PDYN: variants seen among roughly 807,000 people sequenced by gnomAD.
PDYN encodes the protein prodynorphin, also known as proenkephalin-B.
PDYN carries 5 observed loss-of-function variants against 11.4 expected under a neutral mutation model. The ratio of observed to expected loss-of-function variants is 0.44; its 90% CI spans 0.23 to 0.92. The LOEUF is 0.92. PDYN is among the 40% of genes least tolerant of loss of function. The probability of loss-of-function intolerance (pLI) is 0.24; values close to 1 mark genes in which losing one functional copy is unlikely to be tolerated. For missense variants in PDYN, 337 were observed against 317.3 expected (o/e 1.06, Z -0.47); for synonymous variants, 132 against 129.5 (o/e 1.02, Z -0.13).
At chr20:1,982,836 C>A in intron 3 of PDYN, 120 bp downstream of exon 3, 1 of 1,077,552 alleles carries the variant, frequency 9.3e-7, no homozygotes, top group Non-Finnish European at 1.4e-6. Context: ...CACCACCCTG[C>A]ACAGGTGGGA....
chr20:1,988,764 G>A (rs946788476), intron 2 of PDYN, among the ~76,000 whole-genome samples: 20 of 152,214 alleles, frequency 1.3e-4, no homozygotes, highest in African/African-American at 4.8e-4. Flanking sequence ...AGGGGAAAGA[G>A]GGGCTGATGG....
At chr20:1,987,069 G>A (rs1028579588) in intron 2 of PDYN, among the ~76,000 whole-genome samples, 5 of 152,154 alleles carry the variant, frequency 3.3e-5, no homozygotes, top group African/African-American at 1.2e-4. Flanking sequence ...GCTGAGGTGC[G>A]AGTGTGTTGT....
At chr20:1,991,950 T>C (rs1469417684) in intron 2 of PDYN, among the ~76,000 whole-genome samples, 11 of 152,168 alleles carry the variant, frequency 7.2e-5, no homozygotes, top group Admixed American at 1.3e-4. Flanking sequence ...TCATATCTCC[T>C]GGACATAGCA....
chr20:1,983,452 C>T (rs989467751), intron 2 of PDYN, among the ~76,000 whole-genome samples: 5 of 152,218 alleles, frequency 3.3e-5, no homozygotes, highest in African/African-American at 4.8e-5. Context: ...GGACAAGCCA[C>T]GACTTGCTCT....
At chr20:1,981,855 G>A (rs982852084) in intron 3 of PDYN, among the ~76,000 whole-genome samples, 1 of 151,906 alleles carries the variant, frequency 6.6e-6, no homozygotes, top group Non-Finnish European at 1.5e-5. Flanking sequence ...GAACCCAGGA[G>A]GCGGAAGTTG....
intron 3 of PDYN, among the ~76,000 whole-genome samples, chr20:1,981,900 T>C (rs1426863888): frequency 6.6e-6 from 1 of 151,144 alleles, no homozygotes; most frequent in Admixed American, 6.6e-5. Flanking sequence ...CACTCCAGCC[T>C]GGGCAACAGA....
Position 1,980,376 on chromosome 20 carries a change from T to C in PDYN, c.712A>G (p.Thr238Ala), listed in dbSNP as rs112907294. 5.4e-4 allele frequency: 877 copies of C among 1,614,022 alleles called. 1 individual carries two copies. The African/African-American group carries it at 0.01, about 19-fold the overall frequency. Residue 238 changes from threonine (T) to alanine (A), a missense_variant, in exon 4 of 4, where the codon ACT becomes GCT. Physicochemically the swap from Thr to Ala is moderately conservative, Grantham distance 58. Coordinates refer to ENST00000217305, the MANE Select transcript of PDYN (RefSeq NM_024411.5). Reference protein sequence around the residue: ...GFLRRQFKVVTRSQEDPNAYS... With the variant: ...GFLRRQFKVVARSQEDPNAYS... ...GCATTCGGATCTTCCTGAGACCGAG[T>C]CACCACCTTGAACTGGCGCCGGAGA...
At chr20:1,992,416 G>A (rs984368056) in intron 2 of PDYN, among the ~76,000 whole-genome samples, 168 bp downstream of exon 2, 3 of 152,146 alleles carry the variant, frequency 2.0e-5, no homozygotes, top group African/African-American at 7.2e-5. Flanking sequence ...AAAATGTGCT[G>A]CCTTCCGCCA....
chr20:1,979,997 A>C lies in PDYN; in HGVS notation c.*326T>G. 1 of 410,098 alleles carries C rather than the reference A, an allele frequency of 2.4e-6. No individual in the cohort carries two copies. The highest frequency in any genetic ancestry group is 5.5e-5 in the East Asian group (1 of 18,250). The allele number at this position is 410,098 out of a possible 1,614,324, so 25.4% of individuals were successfully genotyped here. Reference sequence around the variant, plus strand: ...GAACACATCGCTCTGGTTCCCTGGAATTGAGGAGTCACGTGAACAGGTTGG... The same window carrying C: ...GAACACATCGCTCTGGTTCCCTGGACTTGAGGAGTCACGTGAACAGGTTGG... On this transcript the variant is annotated 3_prime_UTR_variant, in exon 4 of 4. Transcript: ENST00000217305.
At chr20:1,993,258 T>C (rs1988528910) in intron 1 of PDYN, among the ~76,000 whole-genome samples, 1 of 152,124 alleles carries the variant, frequency 6.6e-6, no homozygotes, top group African/African-American at 2.4e-5. Flanking sequence ...AGAAAATGCC[T>C]GCTAAGCCTG....
At chr20:1,989,188 G>A (rs1280333869) in intron 2 of PDYN, among the ~76,000 whole-genome samples, 1 of 152,194 alleles carries the variant, frequency 6.6e-6, no homozygotes, top group Non-Finnish European at 1.5e-5. Flanking sequence ...CCTTGCTAGT[G>A]GATGGATCTC....
intron 3 of PDYN, 42 bp downstream of exon 3, chr20:1,982,914 G>C: frequency 6.2e-7 from 1 of 1,608,570 alleles, no homozygotes; most frequent in South Asian, 1.1e-5. Context: ...CCTCGCACAG[G>C]TCCAAGGACC....
intron 2 of PDYN, among the ~76,000 whole-genome samples, chr20:1,990,582 G>T (rs562514370): frequency 2.0e-5 from 3 of 152,232 alleles, no homozygotes; most frequent in Non-Finnish European, 1.5e-5. Flanking sequence ...TGAGGGTCCC[G>T]TTTGGTGGTC....
rs1390834732 is a variant in PDYN at position 1,980,828 on chromosome 20, A to G, written c.260T>C (p.Val87Ala). 3.1e-6 allele frequency: 5 copies of G among 1,613,998 alleles called. No individual in the cohort carries two copies. The South Asian group carries it at 4.4e-5, about 14-fold the overall frequency. Residue 87 changes from valine (V) to alanine (A), a missense_variant, in exon 4 of 4, where the codon GTT (valine) becomes GCT (alanine). By Grantham distance (64) the Val-to-Ala change is moderately conservative. Coordinates refer to ENST00000217305, the MANE Select transcript of PDYN (RefSeq NM_024411.5). ...CAGCTCACTGTAGGGCCCTTCCCCA[A>G]CCGACTTGCTCCCCAAGTCCTCCTT... Reference protein sequence around the residue: ...NDKEDLGSKSVGEGPYSELAK... With the variant: ...NDKEDLGSKSAGEGPYSELAK...
At chr20:1,986,777 C>T (rs2122369856) in intron 2 of PDYN, among the ~76,000 whole-genome samples, 1 of 152,360 alleles carries the variant, frequency 6.6e-6, no homozygotes, top group African/African-American at 2.4e-5. Flanking sequence ...CTTGACCAAA[C>T]CACCTGCAAT....
chr20:1,989,602 G>C (rs748223372), intron 2 of PDYN, among the ~76,000 whole-genome samples: 1 of 152,142 alleles, frequency 6.6e-6, no homozygotes, highest in African/African-American at 2.4e-5. Context: ...AGCCGCAAGC[G>C]TTTTTATTTA....
At position 1,980,841 on chromosome 20, in the gene PDYN, C is replaced by A. The variant is rs927079566; in HGVS notation, c.247G>T (p.Gly83Trp). 6.2e-7 allele frequency: 1 copy of A among 1,614,168 alleles called. No homozygotes were observed. Among genetic ancestry groups the A allele is most frequent in the Non-Finnish European group, 8.5e-7 (1 of 1,180,020 alleles). The change falls in exon 4 of 4, where the codon GGG (glycine) becomes TGG (tryptophan). Residue 83 changes from glycine (G) to tryptophan (W), a missense_variant. Transcript: ENST00000217305. Reference protein sequence around the residue: ...TLGLNDKEDLGSKSVGEGPYS... With the variant: ...TLGLNDKEDLWSKSVGEGPYS... ...GGCCCTTCCCCAACCGACTTGCTCC[C>A]CAAGTCCTCCTTGTCATTGAGCCCA...
rs368706093 is a variant in PDYN, at chr20:1,981,931, A to AAAATAAATAAATAAAT, written c.130-989_130-974dup. ...ACAGAGCAAGACTCTGTCTCAAACA[A>AAAATAAATAAATAAAT]AAATAAATAAATAAATAAATAAATA... is the stretch of plus-strand genomic sequence containing the variant. On this transcript the variant is annotated intron_variant, in intron 3 of 3. Transcript: ENST00000217305. 3.7e-3 allele frequency among the ~76,000 whole-genome samples: 536 copies of AAAATAAATAAATAAAT among 143,644 alleles called. 7 individuals carry two copies. The highest frequency in any genetic ancestry group is 0.013 in the African/African-American group (476 of 37,460). 94.2% of individuals were successfully genotyped at this position (143,644 alleles called of 152,430 possible).
Position 1,984,676 on chromosome 20 carries a change from A to T in PDYN, c.-19-1573T>A, listed in dbSNP as rs528957325. The stretch of plus-strand genomic sequence containing the variant: ...CACTTTGAGAGGCTGAGGCGGACAG[A>T]TCACTTGAGTTCAGGAATTTGAGAC... On this transcript the variant is annotated intron_variant, in intron 2 of 3. Transcript: ENST00000217305. Among the ~76,000 whole-genome samples the T allele has an allele frequency of 4.6e-5, 7 of 152,306 alleles. No individual in the cohort carries two copies. The South Asian group carries it at 1.5e-3, about 32-fold the overall frequency.
Sources: gnomAD v4.1 joint callset for allele counts (sites outside exome capture counted in the v4.1 genomes callset) on GRCh38, gnomAD v4.1.1 for gene constraint, MANE v1.5 for transcripts, NCBI Gene and HGNC (gene_info 2026-07-23, HGNC 2026-07-21) for gene names.